The following DMRT1 variants were observed in gnomAD, a reference collection of about 807,000 sequenced individuals.
DMRT1 encodes the protein doublesex- and mab-3-related transcription factor 1.
In DMRT1, 7 loss-of-function variants were observed where a neutral mutation model predicts 32.3. That is an observed-to-expected ratio of 0.22 (90% CI 0.12 to 0.41). The LOEUF is 0.41. Among genes scored for constraint, DMRT1 ranks in the 10% least tolerant of loss-of-function variants. The pLI, the probability that DMRT1 is intolerant of heterozygous loss-of-function variation, is 1.00. For synonymous variants in DMRT1, 278 were observed against 206.1 expected (o/e 1.35, Z -2.99); for missense variants, 625 against 500.5 (o/e 1.25, Z -2.37).
chr9:937,173 G>C (rs1292050500), intron 4 of DMRT1, among the ~76,000 whole-genome samples: 1 of 152,208 alleles, frequency 6.6e-6, no homozygotes, highest in East Asian at 1.9e-4. Context: ...GCATGTGTCA[G>C]ACCCTCATTC....
chr9:903,302 G>A (rs1466113302), intron 3 of DMRT1, among the ~76,000 whole-genome samples: 1 of 151,022 alleles, frequency 6.6e-6, no homozygotes, highest in Admixed American at 6.6e-5. Flanking sequence ...CATTAAGCCT[G>A]GGTGAATGCA....
rs138525124 is a variant in DMRT1, at chr9:914,352, A to C, written c.823-2411A>C. The stretch of plus-strand genomic sequence containing the variant: ...CACTTTGGGAGGCCGAGGCGGGCAG[A>C]TCACGAGGTCATGAGATCGAGACCA... On this transcript the variant is annotated intron_variant, in intron 3 of 4. Coordinates refer to ENST00000382276, the MANE Select transcript of DMRT1 (RefSeq NM_021951.3). Among the ~76,000 whole-genome samples, 6 of 152,134 alleles carry C rather than the reference A, an allele frequency of 3.9e-5. No homozygotes were observed. The East Asian group carries it at 1.2e-3, about 29-fold the overall frequency.
At chr9:872,537 T>G (rs1816317951) in intron 2 of DMRT1, among the ~76,000 whole-genome samples, 1 of 152,144 alleles carries the variant, frequency 6.6e-6, no homozygotes, top group South Asian at 2.1e-4. Flanking sequence ...CTGTATAGGT[T>G]TGCCTATTCC....
intron 4 of DMRT1, among the ~76,000 whole-genome samples, 155 bp downstream of exon 4, chr9:917,062 T>C (rs796416885): frequency 8.5e-5 from 13 of 152,338 alleles, no homozygotes; most frequent in African/African-American, 3.1e-4. Context: ...AAGAATTTAG[T>C]TATAAAATGA....
At chr9:953,662 C>G (rs1819503999) in intron 4 of DMRT1, among the ~76,000 whole-genome samples, 1 of 152,208 alleles carries the variant, frequency 6.6e-6, no homozygotes, top group East Asian at 1.9e-4. Context: ...TCGCCCCTTC[C>G]TTGACGTGGG....
chr9:842,282 T>C (rs1838721693), intron 1 of DMRT1, 90 bp downstream of exon 1: 2 of 1,463,344 alleles, frequency 1.4e-6, no homozygotes, highest in African/African-American at 1.5e-5. Flanking sequence ...TTGCCCAGGC[T>C]GCAGTGTAGT....
At chr9:843,923 A>C (rs773876771) in intron 1 of DMRT1, among the ~76,000 whole-genome samples, 1 of 152,204 alleles carries the variant, frequency 6.6e-6, no homozygotes, top group Admixed American at 6.5e-5. Context: ...TTAAAGCTTA[A>C]TCTGTAGTGG....
intron 3 of DMRT1, among the ~76,000 whole-genome samples, chr9:896,705 C>T (rs1248744433): frequency 4.0e-5 from 6 of 151,858 alleles, no homozygotes; most frequent in African/African-American, 1.5e-4. Flanking sequence ...TCCAGCTACT[C>T]AGAAGGCTGA....
chr9:871,313 C>T (rs931523411), intron 2 of DMRT1, among the ~76,000 whole-genome samples: 6 of 148,736 alleles, frequency 4.0e-5, no homozygotes, highest in Non-Finnish European at 7.5e-5. Flanking sequence ...AGGCATGAAC[C>T]GGTAGCCCGG....
intron 3 of DMRT1, among the ~76,000 whole-genome samples, chr9:912,206 T>C (rs1434569888): frequency 2.0e-5 from 3 of 152,172 alleles, no homozygotes; most frequent in Non-Finnish European, 4.4e-5. Context: ...ACTCCCTCCA[T>C]ATCATGAGAA....
intron 2 of DMRT1, among the ~76,000 whole-genome samples, chr9:855,494 T>A (rs971201840): frequency 6.6e-6 from 1 of 152,230 alleles, no homozygotes; most frequent in Non-Finnish European, 1.5e-5. Flanking sequence ...GAATAAATGA[T>A]GGTTAAATTT....
chr9:859,192 A>T (rs899807474), intron 2 of DMRT1, among the ~76,000 whole-genome samples: 1 of 152,002 alleles, frequency 6.6e-6, no homozygotes, highest in Non-Finnish European at 1.5e-5. Context: ...TTAACTCCCA[A>T]ATGTTTCCTG....
intron 3 of DMRT1, among the ~76,000 whole-genome samples, chr9:915,242 G>C (rs575928096): frequency 6.6e-6 from 1 of 152,296 alleles, no homozygotes; most frequent in South Asian, 2.1e-4. Flanking sequence ...GTGATCATGA[G>C]TTGAATGCTC....
At position 939,976 on chromosome 9, in the gene DMRT1, G is replaced by A. The variant is rs376777396; in HGVS notation, c.967+23069G>A. On this transcript the variant is annotated intron_variant, in intron 4 of 4. Coordinates refer to ENST00000382276, the MANE Select transcript of DMRT1 (RefSeq NM_021951.3). Reference sequence around the variant, plus strand: ...ATGAAAAAAATGCTCAACATCATTAGCCATCAGTGAAACGCAAATCAAACT... The same window carrying A: ...ATGAAAAAAATGCTCAACATCATTAACCATCAGTGAAACGCAAATCAAACT... 1.5e-3 allele frequency among the ~76,000 whole-genome samples: 223 copies of A among 152,132 alleles called. 2 individuals are homozygous for A. The highest frequency in any genetic ancestry group is 5.3e-3 in the African/African-American group (221 of 41,472).
Position 968,299 on chromosome 9 carries a change from G to A in DMRT1, c.*160G>A, listed in dbSNP as rs141780330. The A allele has an allele frequency of 7.9e-5, 66 of 833,284 alleles. No homozygotes were observed. In the African/African-American group the frequency reaches 9.8e-4, roughly 12 times the overall value. The allele number at this position is 833,284 out of a possible 1,614,324, so 51.6% of individuals were successfully genotyped here. A position where few individuals can be genotyped will look rare whatever the true frequency, so the allele number is the denominator to read the frequency against. ...TTAGTCCAGAGGCTGTAACACATTTGTAATACTTTAGGGTCCGTGACTACC... is the reference window on the plus strand; with the variant it reads ...TTAGTCCAGAGGCTGTAACACATTTATAATACTTTAGGGTCCGTGACTACC... On this transcript the variant is annotated 3_prime_UTR_variant, in exon 5 of 5. Transcript: ENST00000382276.
chr9:849,537 T>G (rs2370212), intron 2 of DMRT1, among the ~76,000 whole-genome samples: 1 of 151,980 alleles, frequency 6.6e-6, no homozygotes, highest in Non-Finnish European at 1.5e-5. Flanking sequence ...CTATGCAGAG[T>G]TCAGAACGAC....
At chr9:866,662 A>T (rs140708169) in intron 2 of DMRT1, among the ~76,000 whole-genome samples, 269 of 152,310 alleles carry the variant, frequency 1.8e-3, no homozygotes, top group African/African-American at 5.6e-3. Flanking sequence ...ATGGGCAAGG[A>T]AGTAACAAGC....
At chr9:848,045 T>C (rs1465268785) in intron 2 of DMRT1, among the ~76,000 whole-genome samples, 1 of 152,234 alleles carries the variant, frequency 6.6e-6, no homozygotes, top group Admixed American at 6.5e-5. Context: ...AATCTTGTTA[T>C]TTCTGGCAAT....
chr9:913,670 G>C (rs1469957014), intron 3 of DMRT1, among the ~76,000 whole-genome samples: 1 of 151,302 alleles, frequency 6.6e-6, no homozygotes, highest in Non-Finnish European at 1.5e-5. Flanking sequence ...CGAGGCGGGC[G>C]GATCACTTGA....
Sources: gnomAD v4.1 joint callset for allele counts (sites outside exome capture counted in the v4.1 genomes callset) on GRCh38, gnomAD v4.1.1 for gene constraint, MANE v1.5 for transcripts, NCBI Gene and HGNC (gene_info 2026-07-23, HGNC 2026-07-21) for gene names.